The following ACTR2 variants were observed in gnomAD, a reference collection of about 807,000 sequenced individuals.
ACTR2 encodes actin-related protein 2.
Under a neutral mutation model 50.2 loss-of-function variants are expected in ACTR2, and 5 were observed. The ratio of observed to expected loss-of-function variants is 0.10; its 90% confidence interval spans 0.05 to 0.21. ACTR2 has a LOEUF of 0.21. ACTR2 is among the 10% of genes least tolerant of loss of function. ACTR2 has a pLI of 1.00. For missense variants in ACTR2, 180 were observed against 480.6 expected (o/e 0.37, Z 5.85); for synonymous variants, 140 against 162.9 (o/e 0.86, Z 1.07).
chr2:65,228,671 C>G (rs1671578781), intron 1 of ACTR2, among the ~76,000 whole-genome samples: 1 of 152,096 alleles, frequency 6.6e-6, no homozygotes, highest in Non-Finnish European at 1.5e-5. Context: ...TTCCACTAGC[C>G]TTAGGGGAAG....
intron 8 of ACTR2, among the ~76,000 whole-genome samples, chr2:65,266,898 A>T (rs911765123): frequency 1.3e-5 from 2 of 152,202 alleles, no homozygotes; most frequent in Non-Finnish European, 2.9e-5. Flanking sequence ...ATTTGTCTGT[A>T]GGAATCTGTA....
intron 1 of ACTR2, among the ~76,000 whole-genome samples, chr2:65,233,546 C>T (rs1671678781): frequency 6.6e-6 from 1 of 151,692 alleles, no homozygotes; most frequent in Admixed American, 6.6e-5. Flanking sequence ...CTGCTTCTTG[C>T]AGAGCAGGAC....
At chr2:65,238,456 G>A (rs544529080) in intron 1 of ACTR2, among the ~76,000 whole-genome samples, 42 of 147,018 alleles carry the variant, frequency 2.9e-4, no homozygotes, top group African/African-American at 1.0e-3. Context: ...TCAGGAGATC[G>A]AGACCATCCT....
intron 1 of ACTR2, among the ~76,000 whole-genome samples, chr2:65,230,442 A>G (rs983589353): frequency 3.3e-5 from 4 of 121,956 alleles, no homozygotes; most frequent in Admixed American, 1.1e-4. Context: ...CACAGGATCT[A>G]GCTCTGTTGC....
At chr2:65,267,295 G>A (rs1264225804) in intron 8 of ACTR2, among the ~76,000 whole-genome samples, 1 of 152,094 alleles carries the variant, frequency 6.6e-6, no homozygotes, top group African/African-American at 2.4e-5. Context: ...TACTTGTCAC[G>A]CCTACAAAGC....
chr2:65,235,941 AAGGAT>A (rs1280189377), intron 1 of ACTR2, among the ~76,000 whole-genome samples: 1 of 152,196 alleles, frequency 6.6e-6, no homozygotes, highest in African/African-American at 2.4e-5. Flanking sequence ...CATGAGGTGA[AAGGAT>A]AGGAATTGAG....
rs1671556134 is a variant in ACTR2 at position 65,227,871 on chromosome 2, T to TAGGTTGTGCGGCTGC, written c.-36_-22dup. The TAGGTTGTGCGGCTGC allele has an allele frequency of 2.0e-6, 3 of 1,498,464 alleles. No individual in the cohort carries two copies. In the East Asian group the frequency reaches 8.8e-5, roughly 44 times the overall value. The allele number at this position is 1,498,464 out of a possible 1,614,324, so 92.8% of individuals were successfully genotyped here. ...GAAAACGGCCGGGCGGCGGTGGCTG[T>TAGGTTGTGCGGCTGC]AGGTTGTGCGGCTGCAGCGGCTCTT... On this transcript the variant is annotated 5_prime_UTR_variant, in exon 1 of 9. Coordinates refer to ENST00000260641, the MANE Select transcript of ACTR2 (RefSeq NM_005722.4).
intron 2 of ACTR2, chr2:65,241,923 C>A: frequency 1.6e-6 from 2 of 1,238,080 alleles, no homozygotes; most frequent in Non-Finnish European, 1.1e-6. Flanking sequence ...AGTACTGCAT[C>A]TGACCTCAAC....
chr2:65,250,845 TG>T (rs1331671301), intron 3 of ACTR2, among the ~76,000 whole-genome samples, 181 bp from the exon 4 acceptor site: 2 of 152,150 alleles, frequency 1.3e-5, no homozygotes, highest in African/African-American at 4.8e-5. Flanking sequence ...TCTTCAGATT[TG>T]GAGCTCTGTG....
chr2:65,228,711 C>A (rs1165595619), intron 1 of ACTR2, among the ~76,000 whole-genome samples: 1 of 152,122 alleles, frequency 6.6e-6, no homozygotes, highest in Non-Finnish European at 1.5e-5. Flanking sequence ...CCACCCCCAG[C>A]CCCCTTTTTT....
At chr2:65,265,419 C>T (rs557129251) in intron 8 of ACTR2, among the ~76,000 whole-genome samples, 2 of 152,318 alleles carry the variant, frequency 1.3e-5, no homozygotes, top group East Asian at 1.9e-4. Context: ...CTGTAACAAC[C>T]AGCACGGACT....
In ACTR2 at chr2:65,246,709, C is replaced by T. The variant is rs745810011; in HGVS notation, c.345C>T (p.Asn115=). The T allele has an allele frequency of 6.2e-6, 10 of 1,611,454 alleles. No individual in the cohort carries two copies. The Admixed American group carries it at 6.7e-5, about 11-fold the overall frequency. Residue 115 remains asparagine, a synonymous_variant, in exon 3 of 9, where the codon AAC becomes AAT. Coordinates refer to ENST00000260641, the MANE Select transcript of ACTR2 (RefSeq NM_005722.4). Reference sequence around the variant, plus strand: ...TCTTACTCACAGAACCTCCTATGAACCCAACCAAAAACAGAGAGAAGATTG... The same window carrying T: ...TCTTACTCACAGAACCTCCTATGAATCCAACCAAAAACAGAGAGAAGATTG... The part of the protein sequence containing the change: ...CKILLTEPPM[N]PTKNREKIVE...
chr2:65,241,003 T>G (rs922770674), intron 2 of ACTR2, among the ~76,000 whole-genome samples: 12 of 147,426 alleles, frequency 8.1e-5, no homozygotes, highest in Non-Finnish European at 1.7e-4. Flanking sequence ...TCTGTGTTAG[T>G]TTTTTTTTTT....
intron 2 of ACTR2, among the ~76,000 whole-genome samples, chr2:65,243,337 C>G (rs779303184): frequency 1.3e-5 from 2 of 151,460 alleles, no homozygotes; most frequent in Non-Finnish European, 2.9e-5. Flanking sequence ...CTTATTTTAA[C>G]AGAAGTTTTT....
chr2:65,243,223 G>A (rs1671874770), intron 2 of ACTR2, among the ~76,000 whole-genome samples: 1 of 152,102 alleles, frequency 6.6e-6, no homozygotes, highest in African/African-American at 2.4e-5. Context: ...AGGTTGCAGT[G>A]AGCCGAGATC....
chr2:65,229,103 T>A (rs1361060423), intron 1 of ACTR2, among the ~76,000 whole-genome samples: 1 of 151,976 alleles, frequency 6.6e-6, no homozygotes, highest in Non-Finnish European at 1.5e-5. Flanking sequence ...AAAAAATTGT[T>A]TCATTCAGAC....
chr2:65,239,390 G>A (rs1671800005), intron 1 of ACTR2, among the ~76,000 whole-genome samples: 1 of 152,240 alleles, frequency 6.6e-6, no homozygotes. Context: ...GGAGGCGGAG[G>A]TTGCAGTGAG....
intron 1 of ACTR2, among the ~76,000 whole-genome samples, chr2:65,237,941 C>A (rs1671770580): frequency 1.3e-5 from 2 of 152,150 alleles, no homozygotes; most frequent in South Asian, 4.1e-4. Flanking sequence ...TTGCAATGAT[C>A]TGAGATGGAG....
At chr2:65,242,795 T>C in intron 2 of ACTR2, 1 of 267,894 alleles carries the variant, frequency 3.7e-6, no homozygotes, top group South Asian at 3.7e-5. Flanking sequence ...CTGTAGTAGA[T>C]ACTTTTCAAG....
Sources: gnomAD v4.1 joint callset for allele counts (sites outside exome capture counted in the v4.1 genomes callset) on GRCh38, gnomAD v4.1.1 for gene constraint, MANE v1.5 for transcripts, NCBI Gene and HGNC (gene_info 2026-07-23, HGNC 2026-07-21) for gene names.